Variants in APEH observed in about 807,000 individuals in gnomAD.
APEH encodes acylaminoacyl-peptide hydrolase.
Under a neutral mutation model 102.7 loss-of-function variants are expected in APEH, and 75 were observed. The observed-to-expected ratio is 0.73, with a 90% CI of 0.61 to 0.89. The LOEUF (loss-of-function observed/expected upper bound fraction) is 0.89, where lower values mean the gene tolerates loss of function less well. APEH is among the 40% of genes least tolerant of loss of function. The pLI is 0.00. For synonymous variants in APEH, 344 were observed against 362.7 expected (o/e 0.95, Z 0.59); for missense variants, 863 against 941.2 (o/e 0.92, Z 1.09).
intron 10 of APEH, 61 bp from the exon 11 acceptor site, chr3:49,677,512 C>A (rs1458940708): frequency 2.7e-6 from 4 of 1,475,340 alleles, no homozygotes; most frequent in African/African-American, 1.4e-5. Context: ...AGGCACAGGG[C>A]ACTGTGCCCT....
At chr3:49,675,506 GGT>G in intron 3 of APEH, 186 bp from the exon 4 acceptor site, 1 of 977,470 alleles carries the variant, frequency 1.0e-6, no homozygotes, top group Admixed American at 2.4e-5. Flanking sequence ...TAGAGCCCAT[GGT>G]GGCCTGGGGA....
upstream of APEH, chr3:49,674,024 C>G (rs1247858661): frequency 1.4e-5 from 5 of 367,234 alleles, no homozygotes. Context: ...TCTCGTAGGC[C>G]CTTCTACCCT....
chr3:49,681,727 C>G lies in APEH; in HGVS notation c.1444C>G (p.Leu482Val), dbSNP rs1345409664. The G allele has an allele frequency of 1.3e-6, 2 of 1,587,508 alleles. No individual in the cohort carries two copies. The highest frequency in any genetic ancestry group is 1.7e-6 in the Non-Finnish European group (2 of 1,165,550). Residue 482 changes from leucine to valine, a missense_variant, in exon 16 of 22, where the codon CTT (leucine) becomes GTT (valine). Physicochemically the swap from Leu to Val is conservative, Grantham distance 32. Transcript: ENST00000296456. ...CTGCTGCCCTCTCCCTGCAGCTGGC[C>G]TTGACTTTGAAGCAATCCTGCTGCA... Reference protein sequence around the residue: ...PEQENVQYAGLDFEAILLQPG... With the variant: ...PEQENVQYAGVDFEAILLQPG...
At chr3:49,677,220 C>T (rs921923280) in intron 10 of APEH, among the ~76,000 whole-genome samples, 196 bp downstream of exon 10, 2 of 152,198 alleles carry the variant, frequency 1.3e-5, no homozygotes, top group African/African-American at 4.8e-5. Flanking sequence ...GAGAGCTTTG[C>T]ACTGTTGGGG....
intron 10 of APEH, among the ~76,000 whole-genome samples, 186 bp downstream of exon 10, chr3:49,677,210 G>C: frequency 6.6e-6 from 1 of 152,208 alleles, no homozygotes; most frequent in East Asian, 1.9e-4. Flanking sequence ...TGCTGCCATG[G>C]AGAGCTTTGC....
At chr3:49,676,283 C>T (rs543774757) in intron 6 of APEH, 64 bp downstream of exon 6, 15 of 1,611,292 alleles carry the variant, frequency 9.3e-6, no homozygotes, top group African/African-American at 8.0e-5. Context: ...GCTCCCTTCC[C>T]ATACTGTGCC....
chr3:49,681,061 G>GCAGC (rs1191918910), intron 14 of APEH, 40 bp from the exon 15 acceptor site: 2 of 1,528,718 alleles, frequency 1.3e-6, no homozygotes, highest in Admixed American at 4.0e-5. Flanking sequence ...GGGCAGGGAG[G>GCAGC]CAGCCAGGCC....
Position 49,679,384 on chromosome 3 carries a change from G to C in APEH, c.1159-209G>C, listed in dbSNP as rs1031610514. 2.6e-5 allele frequency among the ~76,000 whole-genome samples: 4 copies of C among 152,156 alleles called. No homozygotes were observed. Among genetic ancestry groups the C allele is most frequent in the Admixed American group, 2.0e-4 (3 of 15,278 alleles). ...CAAAGCCATTCCTTACCTTGCCCAGGGTCACCCAGCAAGTTGTGATGGTGC... is the reference window on the plus strand; with the variant it reads ...CAAAGCCATTCCTTACCTTGCCCAGCGTCACCCAGCAAGTTGTGATGGTGC... On this transcript the variant is annotated intron_variant, in intron 12 of 21. Coordinates refer to ENST00000296456, the MANE Select transcript of APEH (RefSeq NM_001640.4). This position sits in a 1 kb window ranked among gnomAD's most constrained non-coding sequence, Gnocchi z 4.3.
Position 49,681,799 on chromosome 3 carries a change from C to A in APEH, c.1516C>A (p.Pro506Thr). The A allele has an allele frequency of 6.2e-7, 1 of 1,611,620 alleles. No individual in the cohort carries two copies. Among genetic ancestry groups the A allele is most frequent in the South Asian group, 1.1e-5 (1 of 90,866 alleles). Reference sequence around the variant, plus strand: ...GACCCAAGTGCCCATGGTGGTCATGCCCCACGGTAGGCATCTGGCGTTAAG... The same window carrying A: ...GACCCAAGTGCCCATGGTGGTCATGACCCACGGTAGGCATCTGGCGTTAAG... ...DKTQVPMVVM[P>T]HGGPHSSFVT... Residue 506 changes from proline to threonine, a missense_variant, in exon 16 of 22, where the codon CCC (proline) becomes ACC (threonine). By Grantham distance (38) the Pro-to-Thr change is conservative. Coordinates refer to ENST00000296456, the MANE Select transcript of APEH (RefSeq NM_001640.4).
intron 16 of APEH, 27 bp from the exon 17 acceptor site, chr3:49,681,860 C>T (rs1275004018): frequency 3.7e-6 from 6 of 1,612,202 alleles, no homozygotes; most frequent in Non-Finnish European, 5.1e-6. Context: ...CTAGCTGGCC[C>T]TTTCACCCTC....
rs776289558 is a variant in APEH, at chr3:49,676,080, C to T, written c.467C>T (p.Ser156Leu). The stretch of plus-strand genomic sequence containing the variant: ...GACTGCTTTGGCTGCCTGTCCTGGT[C>T]GCACTCGGAGACACACTTGTTGTAT... The part of the protein sequence containing the change: ...EDDCFGCLSW[S>L]HSETHLLYVA... The change falls in exon 6 of 22, where the codon TCG becomes TTG. Residue 156 changes from serine to leucine, a missense_variant. Physicochemically the swap from Ser to Leu is moderately radical, Grantham distance 145. Transcript: ENST00000296456. The T allele has an allele frequency of 6.2e-6, 10 of 1,614,074 alleles. No individual in the cohort carries two copies. Among genetic ancestry groups the T allele is most frequent in the South Asian group, 3.3e-5 (3 of 91,072 alleles).
chr3:49,680,668 T>C (rs535103935), intron 14 of APEH, 39 bp downstream of exon 14: 10 of 1,578,498 alleles, frequency 6.3e-6, no homozygotes, highest in Non-Finnish European at 7.8e-6. Flanking sequence ...AGGCAGGGGT[T>C]CTGGGCAGGC....
intron 17 of APEH, 116 bp from the exon 18 acceptor site, chr3:49,682,232 C>G: frequency 1.8e-6 from 2 of 1,137,736 alleles, no homozygotes; most frequent in Admixed American, 2.1e-5. Flanking sequence ...CCCTTGACCC[C>G]TTGACAGTCT....
upstream of APEH, chr3:49,674,278 G>T: frequency 3.1e-6 from 4 of 1,282,670 alleles, no homozygotes; most frequent in South Asian, 4.3e-5. Context: ...CGAAGGCCCC[G>T]CCCCTCACAG....
chr3:49,674,395 G>A lies in APEH; in HGVS notation c.-7G>A. Reference sequence around the variant, plus strand: ...CCCCGCCTCGCCCCGGCGGCAGAGAGGAGACTATGGAACGTCAGGTGAGGG... The same window carrying A: ...CCCCGCCTCGCCCCGGCGGCAGAGAAGAGACTATGGAACGTCAGGTGAGGG... On this transcript the variant is annotated 5_prime_UTR_variant, in exon 1 of 22. Coordinates refer to ENST00000296456, the MANE Select transcript of APEH (RefSeq NM_001640.4). 2 of 1,575,312 alleles carry A rather than the reference G, an allele frequency of 1.3e-6. No homozygotes were observed. The highest frequency in any genetic ancestry group is 2.3e-5 in the East Asian group (1 of 43,382).
intron 3 of APEH, 68 bp from the exon 4 acceptor site, chr3:49,675,626 G>T: frequency 7.0e-7 from 1 of 1,434,658 alleles, no homozygotes; most frequent in East Asian, 2.3e-5. Flanking sequence ...CCTAAGAGGT[G>T]TGCCCAGTAG....
At position 49,676,112 on chromosome 3, in the gene APEH, GAGA is replaced by G; in HGVS notation, c.505_507del (p.Lys169del). 2 of 1,614,248 alleles carry G rather than the reference GAGA, an allele frequency of 1.2e-6. No homozygotes were observed. The highest frequency in any genetic ancestry group is 1.7e-6 in the Non-Finnish European group (2 of 1,180,044). ...GGAGACACACTTGTTGTATGTGGCA[GAGA>G]AGAAGCGCCCCAAGGCCGAGTCCTT... On this transcript the variant is annotated inframe_deletion, in exon 6 of 22. Coordinates refer to ENST00000296456, the MANE Select transcript of APEH (RefSeq NM_001640.4).
chr3:49,679,662 G>A lies in APEH; in HGVS notation c.1210+18G>A, dbSNP rs985848815. On this transcript the variant is annotated intron_variant, in intron 13 of 21. Transcript: ENST00000296456. The surrounding 1 kb of genome is among the most constrained non-coding windows in gnomAD (Gnocchi z 4.3). ...CACAGCTGGTGAGCAAGGCTTTGGG[G>A]ATGGGGGTAAGGGCAGGGCTGGTGA... 1 of 1,612,962 alleles carries A rather than the reference G, an allele frequency of 6.2e-7. No individual in the cohort carries two copies. The highest frequency in any genetic ancestry group is 1.3e-5 in the African/African-American group (1 of 74,918).
rs367849527 is a variant in APEH at position 49,676,826 on chromosome 3, C to T, written c.877+9C>T. 1.2e-6 allele frequency: 2 copies of T among 1,614,146 alleles called. No individual in the cohort carries two copies. The highest frequency in any genetic ancestry group is 1.3e-5 in the African/African-American group (1 of 74,950). Reference sequence around the variant, plus strand: ...CATCGGGGGGAAGTGTGGTAAGTGGCTGATGCCCACCTGTGCTTTGCTGAC... The same window carrying T: ...CATCGGGGGGAAGTGTGGTAAGTGGTTGATGCCCACCTGTGCTTTGCTGAC... On this transcript the variant is annotated intron_variant, in intron 9 of 21. Coordinates refer to ENST00000296456, the MANE Select transcript of APEH (RefSeq NM_001640.4).
Sources: gnomAD v4.1 joint callset for allele counts (sites outside exome capture counted in the v4.1 genomes callset) on GRCh38, gnomAD v4.1.1 for gene constraint, Gnocchi (gnomAD v3.1) non-coding constraint, MANE v1.5 for transcripts, NCBI Gene and HGNC (gene_info 2026-07-23, HGNC 2026-07-21) for gene names.